CHODL: variants seen among roughly 807,000 people sequenced by gnomAD.
CHODL encodes the protein transmembrane protein MT75.
A neutral mutation model predicts 34.5 loss-of-function variants in CHODL; 29 were observed. That is an observed-to-expected ratio of 0.84 (90% CI 0.63 to 1.15). The LOEUF is 1.15. Among genes scored for constraint, CHODL ranks in the 50% most tolerant of loss-of-function variants. CHODL has a pLI of 0.00. For missense variants in CHODL, 332 were observed against 332.5 expected, an observed-to-expected ratio of 1.00 and a Z score of 0.01; for synonymous variants, 125 against 116.1, an observed-to-expected ratio of 1.08 and a Z score of -0.49.
rs1295262477 is a variant in CHODL, at chr21:18,002,972, A to C, written c.-144-24900A>C. Among the ~76,000 whole-genome samples the C allele has an allele frequency of 3.3e-5, 5 of 151,936 alleles. No homozygotes were observed. The East Asian group carries it at 9.6e-4, about 29-fold the overall frequency. ...CCCCGTCTCTACTAAAAATACAAAA[A>C]ATTAGCCGGGCGAGGTGGCGGGCGC... On this transcript the variant is annotated intron_variant, in intron 1 of 6. Coordinates refer to the CHODL transcript ENST00000400127.
chr21:18,004,934 AT>A (rs2063946096), intron 1 of CHODL, among the ~76,000 whole-genome samples: 1 of 152,176 alleles, frequency 6.6e-6, no homozygotes, highest in African/African-American at 2.4e-5. Flanking sequence ...CAATGATGTG[AT>A]AAAACTAGCA....
Position 18,070,288 on chromosome 21 carries a change from T to C in CHODL, c.-45+42317T>C, listed in dbSNP as rs188002260. ...ATTTTAAGTAGAAAAATAACATTAA[T>C]GTATTGAGTCTACTTTGAGCTGCAA... On this transcript the variant is annotated intron_variant, in intron 2 of 6. Coordinates refer to the CHODL transcript ENST00000400127. Among the ~76,000 whole-genome samples, 81 of 152,082 alleles carry C rather than the reference T, an allele frequency of 5.3e-4. 2 individuals carry two copies. In the East Asian group the frequency reaches 0.013, roughly 25 times the overall value.
chr21:18,123,945 G>A (rs2065511297), intron 2 of CHODL, among the ~76,000 whole-genome samples: 1 of 152,118 alleles, frequency 6.6e-6, no homozygotes, highest in South Asian at 2.1e-4. Flanking sequence ...CATTTTGGGA[G>A]GCCGAGGCGG....
At position 18,081,395 on chromosome 21, in the gene CHODL, G is replaced by A. The variant is rs373502417; in HGVS notation, c.-45+53424G>A. Among the ~76,000 whole-genome samples the A allele has an allele frequency of 5.9e-5, 9 of 152,220 alleles. 1 individual carries two copies. The highest frequency in any genetic ancestry group is 3.3e-4 in the Admixed American group (5 of 15,278). Reference sequence around the variant, plus strand: ...ACTATGTTGAATAAGAGTGGTGAAAGTGGGGCTGGGTGCGGTGGCTCACAT... The same window carrying A: ...ACTATGTTGAATAAGAGTGGTGAAAATGGGGCTGGGTGCGGTGGCTCACAT... On this transcript the variant is annotated intron_variant, in intron 2 of 6. Coordinates refer to the CHODL transcript ENST00000400127.
intron 2 of CHODL, among the ~76,000 whole-genome samples, chr21:18,069,904 C>T (rs777830430): frequency 9.2e-5 from 14 of 151,818 alleles, no homozygotes; most frequent in Non-Finnish European, 1.8e-4. Context: ...GCCTCTGCAC[C>T]AGCCCAAACT....
intron 2 of CHODL, among the ~76,000 whole-genome samples, chr21:18,177,562 CA>C (rs1481976146): frequency 6.6e-6 from 1 of 152,068 alleles, no homozygotes; most frequent in Non-Finnish European, 1.5e-5. Context: ...ACTTCACAAA[CA>C]AATTATCTTT....
intron 1 of CHODL, chr21:18,245,787 C>T: frequency 1.2e-6 from 1 of 809,604 alleles, no homozygotes; most frequent in Non-Finnish European, 2.0e-6. Flanking sequence ...GGGTCGCCTC[C>T]GGATGCCTGG....
chr21:18,046,210 A>G (rs1175827168), intron 2 of CHODL, among the ~76,000 whole-genome samples: 1 of 151,990 alleles, frequency 6.6e-6, no homozygotes, highest in Admixed American at 6.6e-5. Context: ...CCACGTAGAC[A>G]TGGGAAAGAG....
intron 1 of CHODL, among the ~76,000 whole-genome samples, chr21:17,969,007 G>A (rs1048080386): frequency 6.6e-5 from 10 of 152,132 alleles, no homozygotes; most frequent in African/African-American, 2.2e-4. Context: ...GTGGACACCT[G>A]GGGTAACTGC....
At chr21:18,263,296 T>C (rs73318273) in intron 5 of CHODL, among the ~76,000 whole-genome samples, 4,449 of 152,288 alleles carry the variant, frequency 0.029, 206 homozygotes, top group African/African-American at 0.1. Context: ...TCAAGCTATA[T>C]GTAAGACTTG....
At chr21:17,963,599 T>C (rs997901388) in intron 1 of CHODL, among the ~76,000 whole-genome samples, 1 of 152,188 alleles carries the variant, frequency 6.6e-6, no homozygotes, top group Non-Finnish European at 1.5e-5. Context: ...GTGCCCATGA[T>C]TAAATTACCT....
intron 2 of CHODL, among the ~76,000 whole-genome samples, chr21:18,062,445 G>A (rs560980617): frequency 5.0e-4 from 67 of 134,190 alleles, no homozygotes; most frequent in Admixed American, 2.6e-3. Flanking sequence ...CTGGGCTCAA[G>A]TGATCCTCCC....
chr21:18,049,556 A>T (rs2064487576), intron 2 of CHODL, among the ~76,000 whole-genome samples: 1 of 151,976 alleles, frequency 6.6e-6, no homozygotes. Context: ...TAAACAACAG[A>T]AATTTATCTT....
chr21:18,241,007 C>G (rs946878583), upstream of CHODL, among the ~76,000 whole-genome samples: 1 of 152,132 alleles, frequency 6.6e-6, no homozygotes, highest in African/African-American at 2.4e-5. Flanking sequence ...CAAAAACTGA[C>G]TTCTGGGATT....
intron 1 of CHODL, among the ~76,000 whole-genome samples, chr21:18,253,754 G>A (rs1038332852): frequency 2.6e-5 from 4 of 152,070 alleles, no homozygotes; most frequent in Admixed American, 2.0e-4. Context: ...TCCTCCTGAA[G>A]TTTCTCTAAC....
chr21:18,201,513 T>C lies in CHODL; in HGVS notation c.-44-54996T>C, dbSNP rs1160937053. Among the ~76,000 whole-genome samples, 3 of 152,234 alleles carry C rather than the reference T, an allele frequency of 2.0e-5. No homozygotes were observed. The South Asian group carries it at 6.2e-4, about 32-fold the overall frequency. On this transcript the variant is annotated intron_variant, in intron 2 of 6. Transcript: ENST00000400127. ...AAGGCCAGAAGATAAGTGAATTTCCTTGGCTAGGGAAAAGTACAACCAAAC... is the reference window on the plus strand; with the variant it reads ...AAGGCCAGAAGATAAGTGAATTTCCCTGGCTAGGGAAAAGTACAACCAAAC...
intron 1 of CHODL, among the ~76,000 whole-genome samples, chr21:17,992,817 A>C (rs2063810809): frequency 7.3e-6 from 1 of 137,004 alleles, no homozygotes; most frequent in African/African-American, 2.7e-5. Context: ...ACCACTCCCA[A>C]CTAATTTTGT....
intron 1 of CHODL, among the ~76,000 whole-genome samples, chr21:18,248,783 T>G (rs1405383606): frequency 8.1e-6 from 1 of 123,288 alleles, no homozygotes; most frequent in East Asian, 2.2e-4. Context: ...TATATGTGTG[T>G]ATATATGTAT....
intron 1 of CHODL, chr21:18,246,084 G>A (rs973273239): frequency 1.6e-5 from 12 of 730,502 alleles, no homozygotes; most frequent in Non-Finnish European, 2.4e-5. Context: ...CTGTCGTTGA[G>A]CGATTTATAT....
Sources: allele counts gnomAD v4.1 joint callset (sites outside exome capture counted in the v4.1 genomes callset), GRCh38; gene constraint gnomAD v4.1.1; transcripts MANE v1.5; gene names NCBI Gene and HGNC (gene_info 2026-07-23, HGNC 2026-07-21).